The following ASAP1 variants were observed in gnomAD, a reference collection of about 807,000 sequenced individuals.
ASAP1 encodes the protein arf-GAP with SH3 domain, ANK repeat and PH domain-containing protein 1.
ASAP1 carries 43 observed loss-of-function variants against 145.2 expected under a neutral mutation model. The observed-to-expected ratio is 0.30, with a 90% CI of 0.23 to 0.38. ASAP1 has a LOEUF of 0.38. Among genes scored for constraint, ASAP1 ranks in the 10% least tolerant of loss-of-function variants. The pLI, the probability that ASAP1 is intolerant of heterozygous loss-of-function variation, is 1.00. For synonymous variants in ASAP1, 546 were observed against 515.5 expected, an observed-to-expected ratio of 1.06 and a Z score of -0.80; for missense variants, 1,018 against 1,355.3, an observed-to-expected ratio of 0.75 and a Z score of 3.91.
intron 2 of ASAP1, among the ~76,000 whole-genome samples, chr8:130,391,754 G>A (rs1002503658): frequency 2.6e-5 from 4 of 152,234 alleles, no homozygotes; most frequent in Non-Finnish European, 5.9e-5. Flanking sequence ...TACAGTAAAT[G>A]TAATAATGTA....
Position 130,118,542 on chromosome 8 carries a change from G to C in ASAP1, c.1741C>G (p.Gln581Glu), listed in dbSNP as rs150221582. The C allele has an allele frequency of 3.7e-6, 6 of 1,613,950 alleles. No homozygotes were observed. The highest frequency in any genetic ancestry group is 5.1e-6 in the Non-Finnish European group (6 of 1,180,000). The change falls in exon 19 of 30, where the codon CAA (glutamine) becomes GAA (glutamate). Residue 581 changes from glutamine to glutamate, a missense_variant. Coordinates refer to ENST00000518721, the MANE Select transcript of ASAP1 (RefSeq NM_018482.4). ...IKSRDLLALI[Q>E]VYAEGVELME... is the part of the protein sequence containing the mutation. ...AGCTCTACCCCTTCTGCATAGACTT[G>C]AATTAGTGCAAGTAAATCCCTGGAT...
At chr8:130,332,879 A>G (rs1337424593) in intron 3 of ASAP1, among the ~76,000 whole-genome samples, 1 of 152,002 alleles carries the variant, frequency 6.6e-6, no homozygotes, top group Non-Finnish European at 1.5e-5. Flanking sequence ...ATATTTCTAT[A>G]TAAAAATCTA....
intron 2 of ASAP1, 40 bp downstream of exon 2, chr8:130,401,845 C>T (rs376207443): frequency 6.8e-5 from 108 of 1,590,084 alleles, no homozygotes; most frequent in Middle Eastern, 1.7e-4. Flanking sequence ...GTATCTCCCA[C>T]GCCGAGTTTT....
At chr8:130,134,105 C>T (rs1403299206) in intron 15 of ASAP1, among the ~76,000 whole-genome samples, 191 bp downstream of exon 15, 2 of 152,096 alleles carry the variant, frequency 1.3e-5, no homozygotes, top group African/African-American at 4.8e-5. Flanking sequence ...GGTACCAGAG[C>T]TTATTGAGTA....
chr8:130,227,484 C>T (rs1453921980), intron 4 of ASAP1, among the ~76,000 whole-genome samples: 1 of 151,956 alleles, frequency 6.6e-6, no homozygotes, highest in Non-Finnish European at 1.5e-5. Flanking sequence ...TCTCGAATTC[C>T]TGGGCTCAAG....
chr8:130,297,243 C>T (rs1214035278), intron 3 of ASAP1, among the ~76,000 whole-genome samples: 2 of 152,112 alleles, frequency 1.3e-5, no homozygotes, highest in African/African-American at 2.4e-5. Flanking sequence ...GAGATTAGTT[C>T]GTCTCCCCCC....
At chr8:130,293,665 G>A (rs921780849) in intron 3 of ASAP1, among the ~76,000 whole-genome samples, 7 of 151,990 alleles carry the variant, frequency 4.6e-5, no homozygotes, top group African/African-American at 1.7e-4. Flanking sequence ...TAGCCTCAAG[G>A]GTCACCATCT....
At chr8:130,115,542 C>A in intron 23 of ASAP1, 86 bp downstream of exon 23, 1 of 1,033,384 alleles carries the variant, frequency 9.7e-7, no homozygotes, top group South Asian at 1.4e-5. Flanking sequence ...CACAATCAAT[C>A]AATCTCACCA....
At chr8:130,091,201 T>G (rs2097504764) in intron 25 of ASAP1, among the ~76,000 whole-genome samples, 1 of 152,198 alleles carries the variant, frequency 6.6e-6, no homozygotes, top group South Asian at 2.1e-4. Context: ...TAAACACTGG[T>G]GAGAACAAGA....
chr8:130,406,506 C>T (rs1829036521), intron 1 of ASAP1, among the ~76,000 whole-genome samples: 2 of 150,218 alleles, frequency 1.3e-5, no homozygotes, highest in South Asian at 2.1e-4. Context: ...CAGAGTCTCG[C>T]TGTGTCACCC....
At chr8:130,064,985 C>T (rs574079781) in intron 27 of ASAP1, among the ~76,000 whole-genome samples, 1 of 151,532 alleles carries the variant, frequency 6.6e-6, no homozygotes, top group East Asian at 1.9e-4. Flanking sequence ...AGCTATCCTC[C>T]CACCTCAGCT....
At chr8:130,203,577 A>T (rs559583526) in intron 5 of ASAP1, among the ~76,000 whole-genome samples, 1 of 152,356 alleles carries the variant, frequency 6.6e-6, no homozygotes, top group South Asian at 2.1e-4. Flanking sequence ...CTCAAGACAG[A>T]ACATTTAATC....
At chr8:130,157,501 T>C (rs1444211482) in intron 12 of ASAP1, among the ~76,000 whole-genome samples, 1 of 152,176 alleles carries the variant, frequency 6.6e-6, no homozygotes, top group East Asian at 1.9e-4. Context: ...CTTGTCTCTG[T>C]GCTTTCACCC....
At chr8:130,323,452 C>A (rs1017608196) in intron 3 of ASAP1, among the ~76,000 whole-genome samples, 1 of 152,214 alleles carries the variant, frequency 6.6e-6, no homozygotes, top group African/African-American at 2.4e-5. Flanking sequence ...TGACCTAGCT[C>A]TATCAGACAA....
intron 4 of ASAP1, among the ~76,000 whole-genome samples, chr8:130,225,262 A>T (rs933164106): frequency 6.6e-6 from 1 of 152,200 alleles, no homozygotes; most frequent in Admixed American, 6.5e-5. Context: ...GGAGAAATTT[A>T]AAAATGTCAT....
chr8:130,197,230 C>G (rs1815558540), intron 5 of ASAP1, among the ~76,000 whole-genome samples: 1 of 152,350 alleles, frequency 6.6e-6, no homozygotes, highest in Non-Finnish European at 1.5e-5. Flanking sequence ...GAGTTCGAGA[C>G]CCGCCTAGGC....
intron 2 of ASAP1, among the ~76,000 whole-genome samples, chr8:130,382,215 G>A (rs1360683997): frequency 6.8e-6 from 1 of 147,336 alleles, no homozygotes; most frequent in Non-Finnish European, 1.5e-5. Context: ...GAACCCAGGA[G>A]GCGGAGCTTG....
chr8:130,405,471 T>C (rs1165246751), intron 1 of ASAP1, among the ~76,000 whole-genome samples: 1 of 152,206 alleles, frequency 6.6e-6, no homozygotes, highest in Non-Finnish European at 1.5e-5. Flanking sequence ...ATTCCTTCAG[T>C]GGGTCTTCAT....
At chr8:130,079,260 T>A (rs2097472878) in intron 26 of ASAP1, among the ~76,000 whole-genome samples, 1 of 152,192 alleles carries the variant, frequency 6.6e-6, no homozygotes, top group African/African-American at 2.4e-5. Flanking sequence ...TCTTTTTCCC[T>A]GAAGTTTGGG....
Sources: gnomAD v4.1 joint callset for allele counts (sites outside exome capture counted in the v4.1 genomes callset) on GRCh38, gnomAD v4.1.1 for gene constraint, MANE v1.5 for transcripts, NCBI Gene and HGNC (gene_info 2026-07-23, HGNC 2026-07-21) for gene names.